UNC5A: variants seen among roughly 807,000 people sequenced by gnomAD.
The protein encoded by UNC5A is netrin receptor UNC5A.
In UNC5A, 20 loss-of-function variants were observed where a neutral mutation model predicts 87.4. That is an observed-to-expected ratio of 0.23 (90% CI 0.16 to 0.33). The LOEUF is 0.33. Ranked by LOEUF, UNC5A falls within the 10% of genes least tolerant of loss-of-function variation. The probability of loss-of-function intolerance (pLI) is 1.00; values close to 1 mark genes in which losing one functional copy is unlikely to be tolerated. For synonymous variants in UNC5A, 438 were observed against 482.3 expected (o/e 0.91, Z 1.20); for missense variants, 844 against 1,133.4 (o/e 0.74, Z 3.67).
Position 176,874,312 on chromosome 5 carries a change from C to T in UNC5A, c.1124C>T (p.Thr375Ile). 1.2e-6 allele frequency: 2 copies of T among 1,610,078 alleles called. No homozygotes were observed. Among genetic ancestry groups the T allele is most frequent in the Non-Finnish European group, 1.7e-6 (2 of 1,177,780 alleles). The change falls in exon 8 of 15, where the codon ACC becomes ATC. Residue 375 changes from threonine (T) to isoleucine (I), a missense_variant. Physicochemically the swap from Thr to Ile is moderately conservative, Grantham distance 89 (BLOSUM62 -1). Coordinates refer to ENST00000329542, the MANE Select transcript of UNC5A (RefSeq NM_133369.3). The surrounding 1 kb of genome is among the most constrained non-coding windows in gnomAD (Gnocchi z 7.6). ...CAGCCGGACCTCAGCACCACCACCACCACCTACCAGGGCAGTCTCTGTCCC... is the reference window on the plus strand; with the variant it reads ...CAGCCGGACCTCAGCACCACCACCATCACCTACCAGGGCAGTCTCTGTCCC... ...TIQPDLSTTT[T>I]TYQGSLCPRQ...
rs1190902672 is a variant in UNC5A, at chr5:176,880,831, C to T, written c.*945C>T. On this transcript the variant is annotated 3_prime_UTR_variant, in exon 15 of 15. Coordinates refer to ENST00000329542, the MANE Select transcript of UNC5A (RefSeq NM_133369.3). ...TTGGCCTTATGTACACAGCCTTGCC[C>T]GGCCGCCGGGGCACATAGGGGTTTT... is the stretch of plus-strand genomic sequence containing the variant. 2.6e-5 allele frequency: 11 copies of T among 430,970 alleles called. No individual in the cohort carries two copies. Among genetic ancestry groups the T allele is most frequent in the Non-Finnish European group, 4.1e-5 (10 of 246,306 alleles). 26.7% of individuals were successfully genotyped at this position (430,970 alleles called of 1,614,324 possible).
rs967802323 is a variant in UNC5A at position 176,866,824 on chromosome 5, G to T, written c.293-1306G>T. On this transcript the variant is annotated intron_variant, in intron 2 of 14. Transcript: ENST00000329542. The surrounding 1 kb of genome is among the most constrained non-coding windows in gnomAD (Gnocchi z 5.0). ...GTCCACACTGGGTGTCTTAGAGAAC[G>T]GGGCAGGTGGTGCCCAGAACGGAGG... 6.6e-6 allele frequency among the ~76,000 whole-genome samples: 1 copy of T among 152,142 alleles called. No homozygotes were observed. The highest frequency in any genetic ancestry group is 1.5e-5 in the Non-Finnish European group (1 of 68,030).
At position 176,868,595 on chromosome 5, in the gene UNC5A, C is replaced by G; in HGVS notation, c.471C>G (p.Ala157=). The change falls in exon 4 of 15, where the codon GCC becomes GCG. Residue 157 remains alanine, a synonymous_variant. Transcript: ENST00000329542. Reference sequence around the variant, plus strand: ...AGAACTTCGAGCAGGAGCCGCTGGCCAAGGAGGTGTCCCTGGAGCAGGGCA... The same window carrying G: ...AGAACTTCGAGCAGGAGCCGCTGGCGAAGGAGGTGTCCCTGGAGCAGGGCA... ...LRKNFEQEPL[A]KEVSLEQGIV... is the part of the protein sequence containing the mutation. The G allele has an allele frequency of 6.2e-7, 1 of 1,606,962 alleles. No homozygotes were observed. Among genetic ancestry groups the G allele is most frequent in the Non-Finnish European group, 8.5e-7 (1 of 1,177,412 alleles).
intron 1 of UNC5A, among the ~76,000 whole-genome samples, chr5:176,861,222 C>G (rs1294315759): frequency 6.6e-6 from 1 of 152,236 alleles, no homozygotes; most frequent in Non-Finnish European, 1.5e-5. Flanking sequence ...GTACCAACAG[C>G]AGCCTACGCT....
chr5:176,854,320 G>A (rs1025630999), intron 1 of UNC5A, among the ~76,000 whole-genome samples: 2 of 152,156 alleles, frequency 1.3e-5, no homozygotes, highest in East Asian at 1.9e-4. Flanking sequence ...AACAGCAAGT[G>A]CGGAACGTGT....
At chr5:176,855,019 C>A (rs2113640960) in intron 1 of UNC5A, among the ~76,000 whole-genome samples, 1 of 152,312 alleles carries the variant, frequency 6.6e-6, no homozygotes, top group Non-Finnish European at 1.5e-5. Flanking sequence ...ATGGAAAGAT[C>A]CTGACTCCAA....
chr5:176,880,677 G>C lies in UNC5A; in HGVS notation c.*791G>C. On this transcript the variant is annotated 3_prime_UTR_variant, in exon 15 of 15. Coordinates refer to ENST00000329542, the MANE Select transcript of UNC5A (RefSeq NM_133369.3). ...CTGTGAATATGCAATGGGAGTCCCA[G>C]GCTGTACAGTGGTGAGTGTGTGTGT... 1 of 168,024 alleles carries C rather than the reference G, an allele frequency of 6.0e-6. No homozygotes were observed. Among genetic ancestry groups the C allele is most frequent in the Non-Finnish European group, 1.3e-5 (1 of 78,656 alleles). The allele number at this position is 168,024 out of a possible 1,614,324, so 10.4% of individuals were successfully genotyped here.
intron 1 of UNC5A, among the ~76,000 whole-genome samples, chr5:176,821,536 C>G (rs148005539): frequency 1.3e-5 from 2 of 152,350 alleles, no homozygotes; most frequent in Non-Finnish European, 2.9e-5. Context: ...TCTGCCTCCT[C>G]CCACAACAGT....
intron 1 of UNC5A, among the ~76,000 whole-genome samples, chr5:176,842,025 G>A (rs1275338456): frequency 5.3e-5 from 8 of 152,036 alleles, no homozygotes; most frequent in Non-Finnish European, 1.0e-4. Flanking sequence ...GTGAAACCCC[G>A]TTTCTACTAA....
rs778166053 is a variant in UNC5A at position 176,865,116 on chromosome 5, C to A, written c.292+2271C>A. 2 of 322,570 alleles carry A rather than the reference C, an allele frequency of 6.2e-6. No individual in the cohort carries two copies. The highest frequency in any genetic ancestry group is 8.9e-5 in the Admixed American group (2 of 22,558). 20.0% of individuals were successfully genotyped at this position (322,570 alleles called of 1,614,324 possible). On this transcript the variant is annotated intron_variant, in intron 2 of 14. Coordinates refer to ENST00000329542, the MANE Select transcript of UNC5A (RefSeq NM_133369.3). The surrounding 1 kb of genome is among the most constrained non-coding windows in gnomAD (Gnocchi z 5.3). ...TCACGTGCCCAGTCAGGACCCAGCACGGGGCCTTTCCTTTCTCCCCACCCC... is the reference window on the plus strand; with the variant it reads ...TCACGTGCCCAGTCAGGACCCAGCAAGGGGCCTTTCCTTTCTCCCCACCCC...
chr5:176,840,809 C>G (rs1757257782), intron 1 of UNC5A, among the ~76,000 whole-genome samples: 1 of 152,250 alleles, frequency 6.6e-6, no homozygotes, highest in African/African-American at 2.4e-5. Flanking sequence ...GACAGGGAGA[C>G]CTGCCCCCAT....
At chr5:176,834,691 C>CTCTCTG (rs1757107729) in intron 1 of UNC5A, among the ~76,000 whole-genome samples, 1 of 150,940 alleles carries the variant, frequency 6.6e-6, no homozygotes, top group Admixed American at 6.6e-5. Flanking sequence ...CTCTCTCTCT[C>CTCTCTG]TCTCTCTCTC....
chr5:176,862,356 G>A (rs1561661206), intron 1 of UNC5A, among the ~76,000 whole-genome samples: 1 of 152,224 alleles, frequency 6.6e-6, no homozygotes, highest in Non-Finnish European at 1.5e-5. Flanking sequence ...GGCCACCTCG[G>A]TGCTGGGACT....
At chr5:176,812,935 C>T (rs113877235) in intron 1 of UNC5A, among the ~76,000 whole-genome samples, 2,345 of 152,286 alleles carry the variant, frequency 0.015, 65 homozygotes, top group African/African-American at 0.052. Flanking sequence ...CTTTTGCCTC[C>T]GTTGCAACAG....
intron 1 of UNC5A, among the ~76,000 whole-genome samples, chr5:176,847,367 C>T (rs1440819032): frequency 1.3e-5 from 2 of 152,232 alleles, no homozygotes; most frequent in South Asian, 2.1e-4. Context: ...CGCCCTCCCT[C>T]CAGGGCCTCC....
At chr5:176,811,631 C>T (rs1036607407) in intron 1 of UNC5A, among the ~76,000 whole-genome samples, 1 of 152,212 alleles carries the variant, frequency 6.6e-6, no homozygotes, top group African/African-American at 2.4e-5. Flanking sequence ...GGAAGTTCCC[C>T]TGCATCCTTT....
intron 1 of UNC5A, among the ~76,000 whole-genome samples, chr5:176,847,016 C>T (rs1201137539): frequency 6.6e-6 from 1 of 152,148 alleles, no homozygotes; most frequent in Non-Finnish European, 1.5e-5. Flanking sequence ...CCCCGTCAAG[C>T]CTAGGAGAGA....
chr5:176,849,616 C>T (rs1339264216), intron 1 of UNC5A, among the ~76,000 whole-genome samples: 1 of 152,212 alleles, frequency 6.6e-6, no homozygotes, highest in Non-Finnish European at 1.5e-5. Flanking sequence ...TGGCCTGCCC[C>T]CTTGGATGGA....
chr5:176,833,778 C>T (rs540751683), intron 1 of UNC5A, among the ~76,000 whole-genome samples: 1 of 151,222 alleles, frequency 6.6e-6, no homozygotes, highest in South Asian at 2.1e-4. Flanking sequence ...GTGCGGTCTC[C>T]GCTCACTGCA....
Sources: allele counts gnomAD v4.1 joint callset (sites outside exome capture counted in the v4.1 genomes callset), GRCh38; gene constraint gnomAD v4.1.1; non-coding constraint Gnocchi (gnomAD v3.1); transcripts MANE v1.5; gene names NCBI Gene and HGNC (gene_info 2026-07-23, HGNC 2026-07-21).